WHRN: variants seen among roughly 807,000 people sequenced by gnomAD.
WHRN encodes the protein whirlin, also known as CASK-interacting protein CIP98.
In WHRN, 41 loss-of-function variants were observed where a neutral mutation model predicts 68.3. That is an observed-to-expected ratio of 0.60 (90% CI 0.47 to 0.78). The LOEUF is 0.78. Ranked by LOEUF, WHRN falls within the 30% of genes least tolerant of loss-of-function variation. The pLI, the probability that WHRN is intolerant of heterozygous loss-of-function variation, is 0.00. For synonymous variants in WHRN, 560 were observed against 561.3 expected (o/e 1.00, Z 0.03); for missense variants, 1,243 against 1,244.7 (o/e 1.00, Z 0.02).
At chr9:114,458,870 C>A (rs1840021183) in intron 3 of WHRN, among the ~76,000 whole-genome samples, 1 of 152,194 alleles carries the variant, frequency 6.6e-6, no homozygotes, top group African/African-American at 2.4e-5. Flanking sequence ...TTATTCTAGG[C>A]TGGGCACCCT....
chr9:114,475,154 G>A (rs993478305), intron 2 of WHRN, among the ~76,000 whole-genome samples: 4 of 152,136 alleles, frequency 2.6e-5, no homozygotes, highest in Non-Finnish European at 5.9e-5. Flanking sequence ...TTTGGGGTAT[G>A]TATCCAAAAA....
chr9:114,476,322 C>G (rs1841646933), intron 2 of WHRN, among the ~76,000 whole-genome samples: 2 of 151,966 alleles, frequency 1.3e-5, no homozygotes, highest in Non-Finnish European at 2.9e-5. Context: ...CTAACCCCCA[C>G]CCTCCCATCT....
At chr9:114,458,307 G>A (rs1218858165) in intron 3 of WHRN, among the ~76,000 whole-genome samples, 1 of 152,048 alleles carries the variant, frequency 6.6e-6, no homozygotes, top group African/African-American at 2.4e-5. Context: ...TTCAAAACCT[G>A]ACATCTCTAA....
chr9:114,407,009 C>T, intron 8 of WHRN, 117 bp from the exon 9 acceptor site: 1 of 1,185,970 alleles, frequency 8.4e-7, no homozygotes, highest in Non-Finnish European at 1.2e-6. Context: ...ACTCTAACTG[C>T]TCTTGGCCAC....
At chr9:114,498,973 G>A (rs1447274607) in intron 1 of WHRN, among the ~76,000 whole-genome samples, 1 of 152,162 alleles carries the variant, frequency 6.6e-6, no homozygotes, top group Non-Finnish European at 1.5e-5. Context: ...AAGTGCAAGT[G>A]CAATGTAAAT....
intron 2 of WHRN, among the ~76,000 whole-genome samples, chr9:114,468,134 C>T (rs558493811): frequency 6.6e-6 from 1 of 152,280 alleles, no homozygotes; most frequent in South Asian, 2.1e-4. Context: ...CCTCTCTGTG[C>T]CTCAGCCTCC....
At chr9:114,410,560 CAG>C (rs1470034077) in intron 7 of WHRN, among the ~76,000 whole-genome samples, 2 of 152,198 alleles carry the variant, frequency 1.3e-5, no homozygotes, top group Admixed American at 6.5e-5. Flanking sequence ...ACCCCTAAGA[CAG>C]AGAGAGGCCA....
At chr9:114,405,289 T>C (rs1359263069) in intron 9 of WHRN, among the ~76,000 whole-genome samples, 1 of 152,082 alleles carries the variant, frequency 6.6e-6, no homozygotes, top group Non-Finnish European at 1.5e-5. Context: ...CCCAGGCTCC[T>C]GAGGTCGAAA....
intron 7 of WHRN, among the ~76,000 whole-genome samples, chr9:114,420,133 G>A (rs971522535): frequency 2.0e-5 from 3 of 152,176 alleles, no homozygotes; most frequent in Non-Finnish European, 4.4e-5. Context: ...TTTAGGGAAT[G>A]GGTGGGTGCA....
Position 114,423,458 on chromosome 9 carries a change from C to A in WHRN, c.1482G>T (p.Leu494=), listed in dbSNP as rs199930051. 2 of 1,614,092 alleles carry A rather than the reference C, an allele frequency of 1.2e-6. No individual in the cohort carries two copies. Among genetic ancestry groups the A allele is most frequent in the Admixed American group, 3.3e-5 (2 of 60,010 alleles). The change falls in exon 7 of 12, where the codon CTG becomes CTT. Residue 494 remains leucine (L), a synonymous_variant. Transcript: ENST00000362057. ...SPQDLERFDH[L]VLRREIESMK... ...TGGACTCAATCTCACGCCTCAGCAC[C>A]AGGTGGTCGAAGCGTTCTAGGTCTT...
At chr9:114,503,311 C>A in intron 1 of WHRN, 1 of 592,220 alleles carries the variant, frequency 1.7e-6, no homozygotes, top group Non-Finnish European at 2.1e-6. Context: ...CCAAACTCTT[C>A]ACTTCTTGTA....
At chr9:114,503,240 G>C in intron 1 of WHRN, 17 of 968,630 alleles carry the variant, frequency 1.8e-5, no homozygotes, top group Non-Finnish European at 2.1e-5. Context: ...GGGGTTTACA[G>C]AACAGTCCAA....
At chr9:114,425,859 T>TCTCTCTTTCCCTCTCCCTCC (rs1246536615) in intron 4 of WHRN, 1 of 374,298 alleles carries the variant, frequency 2.7e-6, no homozygotes. Flanking sequence ...CCAAAGCATC[T>TCTCTCTTTCCCTCTCCCTCC]CTCTCTTTCC....
At chr9:114,404,700 G>C (rs943548617) in intron 9 of WHRN, among the ~76,000 whole-genome samples, 12 of 152,184 alleles carry the variant, frequency 7.9e-5, no homozygotes, top group Admixed American at 1.3e-4. Context: ...CTGACCAGCT[G>C]TGCAAGCCTG....
At chr9:114,470,973 A>G (rs970147885) in intron 2 of WHRN, among the ~76,000 whole-genome samples, 6 of 152,104 alleles carry the variant, frequency 3.9e-5, no homozygotes, top group African/African-American at 1.4e-4. Context: ...AAGGATGAAA[A>G]CAAACCTCCC....
intron 7 of WHRN, among the ~76,000 whole-genome samples, chr9:114,413,103 G>T (rs1414557978): frequency 1.3e-5 from 2 of 152,214 alleles, no homozygotes; most frequent in African/African-American, 4.8e-5. Context: ...CTGTATGTGG[G>T]GAAACTGAGG....
chr9:114,441,921 T>C (rs1838406793), intron 3 of WHRN, among the ~76,000 whole-genome samples: 1 of 152,118 alleles, frequency 6.6e-6, no homozygotes, highest in African/African-American at 2.4e-5. Flanking sequence ...CTGGCAGACA[T>C]TACTTACCCA....
At chr9:114,436,374 A>G (rs1222633367) in intron 3 of WHRN, among the ~76,000 whole-genome samples, 1 of 152,224 alleles carries the variant, frequency 6.6e-6, no homozygotes, top group Non-Finnish European at 1.5e-5. Context: ...AATATTATCC[A>G]TATTTGCTCA....
chr9:114,464,183 A>G (rs1840471507), intron 3 of WHRN, among the ~76,000 whole-genome samples: 1 of 152,244 alleles, frequency 6.6e-6, no homozygotes, highest in African/African-American at 2.4e-5. Context: ...CATGAGGTCA[A>G]ACAAGTTAAT....
Sources: gnomAD v4.1 joint callset for allele counts (sites outside exome capture counted in the v4.1 genomes callset) on GRCh38, gnomAD v4.1.1 for gene constraint, MANE v1.5 for transcripts, NCBI Gene and HGNC (gene_info 2026-07-23, HGNC 2026-07-21) for gene names.